The following ITGB3BP variants were observed in gnomAD, a reference collection of about 807,000 sequenced individuals.
ITGB3BP encodes integrin subunit beta 3 binding protein.
Under a neutral mutation model 29.1 loss-of-function variants are expected in ITGB3BP, and 27 were observed. That is an observed-to-expected ratio of 0.93 (90% CI 0.68 to 1.28). The LOEUF (loss-of-function observed/expected upper bound fraction) is 1.28, where lower values mean the gene tolerates loss of function less well. Ranked by LOEUF, ITGB3BP falls within the 50% of genes most tolerant of loss-of-function variation. The pLI is 0.00. For synonymous variants in ITGB3BP, 61 were observed against 61.4 expected (o/e 0.99, Z 0.03); for missense variants, 192 against 200.2 (o/e 0.96, Z 0.25).
At chr1:63,500,104 G>T (rs1645888213) in intron 2 of ITGB3BP, among the ~76,000 whole-genome samples, 1 of 152,210 alleles carries the variant, frequency 6.6e-6, no homozygotes, top group African/African-American at 2.4e-5. Flanking sequence ...GGGCGGGGGG[G>T]CTGTGACTCA....
At chr1:63,488,854 T>C (rs1645584681) in intron 3 of ITGB3BP, among the ~76,000 whole-genome samples, 1 of 152,092 alleles carries the variant, frequency 6.6e-6, no homozygotes, top group Non-Finnish European at 1.5e-5. Flanking sequence ...AAGAGCTTAC[T>C]TAGGACTATA....
At chr1:63,514,993 G>A (rs577108958) in intron 1 of ITGB3BP, among the ~76,000 whole-genome samples, 72 of 150,538 alleles carry the variant, frequency 4.8e-4, no homozygotes, top group African/African-American at 1.7e-3. Flanking sequence ...TTTTTTTAAC[G>A]GTATCTCTTG....
chr1:63,476,664 G>A (rs1645346388), intron 4 of ITGB3BP, among the ~76,000 whole-genome samples: 1 of 152,156 alleles, frequency 6.6e-6, no homozygotes, highest in Non-Finnish European at 1.5e-5. Context: ...AAGTTTAAGT[G>A]GACCTGATTC....
intron 2 of ITGB3BP, among the ~76,000 whole-genome samples, chr1:63,494,265 C>G (rs1265711948): frequency 6.6e-6 from 1 of 151,974 alleles, no homozygotes; most frequent in Non-Finnish European, 1.5e-5. Flanking sequence ...ATTACAGGCA[C>G]CCACCACCAC....
At chr1:63,463,211 T>G (rs1338380393) in intron 4 of ITGB3BP, among the ~76,000 whole-genome samples, 1 of 130,712 alleles carries the variant, frequency 7.7e-6, no homozygotes, top group East Asian at 2.3e-4. Context: ...ATCATGCCAT[T>G]GCACTCCAGC....
At chr1:63,517,359 C>A (rs1180749656) in intron 1 of ITGB3BP, among the ~76,000 whole-genome samples, 2 of 149,966 alleles carry the variant, frequency 1.3e-5, no homozygotes, top group Admixed American at 6.6e-5. Flanking sequence ...GCACATGTAC[C>A]CTAAAACTTA....
chr1:63,460,968 C>A (rs9436675), intron 4 of ITGB3BP, among the ~76,000 whole-genome samples: 150,310 of 151,874 alleles, frequency 0.99, 74,399 homozygotes, highest in Middle Eastern at 1. Flanking sequence ...GGCCTGGCGC[C>A]GTGGCTCATG....
chr1:63,508,171 T>C (rs889387834), intron 2 of ITGB3BP, among the ~76,000 whole-genome samples: 2 of 152,192 alleles, frequency 1.3e-5, no homozygotes, highest in Non-Finnish European at 2.9e-5. Flanking sequence ...TAGCAGATTA[T>C]AGTATGCAGA....
chr1:63,514,010 A>G (rs1423529368), intron 1 of ITGB3BP, among the ~76,000 whole-genome samples: 1 of 152,222 alleles, frequency 6.6e-6, no homozygotes, highest in African/African-American at 2.4e-5. Flanking sequence ...TATTTGAATC[A>G]TATGAGGAGG....
intron 3 of ITGB3BP, among the ~76,000 whole-genome samples, chr1:63,488,255 C>T (rs548268182): frequency 6.6e-6 from 1 of 152,026 alleles, no homozygotes; most frequent in South Asian, 2.1e-4. Context: ...AGGGGCTCAG[C>T]ATGACTGACA....
intron 3 of ITGB3BP, among the ~76,000 whole-genome samples, chr1:63,482,183 G>T (rs913040824): frequency 7.5e-6 from 1 of 133,198 alleles, no homozygotes; most frequent in Non-Finnish European, 1.5e-5. Flanking sequence ...TGAGACAGGA[G>T]AATCACTTGA....
chr1:63,455,957 TA>T (rs1644930180), intron 4 of ITGB3BP, among the ~76,000 whole-genome samples: 1 of 152,170 alleles, frequency 6.6e-6, no homozygotes, highest in Non-Finnish European at 1.5e-5. Context: ...ATTATTGAGA[TA>T]TTTTATACTT....
intron 4 of ITGB3BP, among the ~76,000 whole-genome samples, chr1:63,469,329 A>ATTT (rs776273890): frequency 6.7e-6 from 1 of 149,566 alleles, no homozygotes; most frequent in African/African-American, 2.5e-5. Flanking sequence ...TATTATTATT[A>ATTT]TTTTTTTTTT....
At chr1:63,497,813 C>G (rs1024494604) in intron 2 of ITGB3BP, among the ~76,000 whole-genome samples, 9 of 152,172 alleles carry the variant, frequency 5.9e-5, no homozygotes, top group Non-Finnish European at 1.2e-4. Context: ...GGAGACTGAG[C>G]TCCCTTGGAC....
At chr1:63,475,774 G>A (rs1035623989) in intron 4 of ITGB3BP, among the ~76,000 whole-genome samples, 1 of 152,006 alleles carries the variant, frequency 6.6e-6, no homozygotes, top group Non-Finnish European at 1.5e-5. Context: ...GAGGCGGGCA[G>A]ATCACCTGAG....
chr1:63,485,311 A>G (rs1034735721), intron 3 of ITGB3BP, among the ~76,000 whole-genome samples: 5 of 152,064 alleles, frequency 3.3e-5, no homozygotes, highest in Admixed American at 2.6e-4. Context: ...CAACTGATAG[A>G]TATCTTGTCT....
chr1:63,498,155 T>C (rs535417224), intron 2 of ITGB3BP, among the ~76,000 whole-genome samples: 9 of 152,132 alleles, frequency 5.9e-5, no homozygotes, highest in African/African-American at 2.2e-4. Flanking sequence ...AAAACCTAGA[T>C]AGAAAATCAG....
At chr1:63,499,049 A>C (rs1645859003) in intron 2 of ITGB3BP, among the ~76,000 whole-genome samples, 1 of 152,228 alleles carries the variant, frequency 6.6e-6, no homozygotes, top group African/African-American at 2.4e-5. Context: ...AGAACAGGAA[A>C]ATCTTAATAA....
intron 3 of ITGB3BP, among the ~76,000 whole-genome samples, chr1:63,487,644 ATTTG>A (rs1285573254): frequency 3.3e-5 from 5 of 152,140 alleles, no homozygotes; most frequent in Non-Finnish European, 7.4e-5. Context: ...TATTGTAAGT[ATTTG>A]TTTATCTAAA....
Sources: gnomAD v4.1 joint callset for allele counts (sites outside exome capture counted in the v4.1 genomes callset) on GRCh38, gnomAD v4.1.1 for gene constraint, MANE v1.5 for transcripts, NCBI Gene and HGNC (gene_info 2026-07-23, HGNC 2026-07-21) for gene names.